Variants in PAK5 observed in about 807,000 individuals in gnomAD.
PAK5 encodes serine/threonine-protein kinase PAK 5.
PAK5 carries 16 observed loss-of-function variants against 65.9 expected under a neutral mutation model. The ratio of observed to expected loss-of-function variants is 0.24; its 90% CI spans 0.16 to 0.37. The LOEUF (loss-of-function observed/expected upper bound fraction) is 0.37, where lower values mean the gene tolerates loss of function less well. Ranked by LOEUF, PAK5 falls within the 10% of genes least tolerant of loss-of-function variation. The pLI, the probability that PAK5 is intolerant of heterozygous loss-of-function variation, is 1.00. For missense variants in PAK5, 785 were observed against 903.9 expected, an observed-to-expected ratio of 0.87 and a Z score of 1.69; for synonymous variants, 371 against 354.9, an observed-to-expected ratio of 1.05 and a Z score of -0.51.
chr20:9,825,955 G>C (rs1234696022), intron 1 of PAK5, among the ~76,000 whole-genome samples: 1 of 152,112 alleles, frequency 6.6e-6, no homozygotes, highest in Non-Finnish European at 1.5e-5. Context: ...ATACATTCAA[G>C]ACTTTAATGA....
intron 9 of PAK5, among the ~76,000 whole-genome samples, chr20:9,541,579 C>T (rs2045264296): frequency 6.6e-6 from 1 of 152,158 alleles, no homozygotes; most frequent in South Asian, 2.1e-4. Context: ...CTTGATGCTC[C>T]CCGTGCCTGG....
intron 1 of PAK5, among the ~76,000 whole-genome samples, chr20:9,800,025 T>G (rs2049151669): frequency 6.6e-6 from 1 of 151,704 alleles, no homozygotes; most frequent in Admixed American, 6.6e-5. Flanking sequence ...TGTAGTCTTC[T>G]TCATCATAAT....
At chr20:9,599,242 T>C (rs2046320995) in intron 3 of PAK5, among the ~76,000 whole-genome samples, 1 of 152,252 alleles carries the variant, frequency 6.6e-6, no homozygotes, top group Non-Finnish European at 1.5e-5. Context: ...ACATTTTGTT[T>C]ATCCATTCAT....
chr20:9,769,721 C>T (rs916799287), intron 1 of PAK5, among the ~76,000 whole-genome samples: 5 of 152,286 alleles, frequency 3.3e-5, no homozygotes, highest in African/African-American at 1.2e-4. Flanking sequence ...TTGAAATGCT[C>T]CAACAAAGGT....
At chr20:9,825,559 T>A (rs570133490) in intron 1 of PAK5, among the ~76,000 whole-genome samples, 2 of 152,308 alleles carry the variant, frequency 1.3e-5, no homozygotes, top group East Asian at 3.9e-4. Flanking sequence ...TAAGACCATA[T>A]GATTTCTTTT....
chr20:9,825,778 A>T (rs2049476963), intron 1 of PAK5, among the ~76,000 whole-genome samples: 1 of 152,196 alleles, frequency 6.6e-6, no homozygotes. Flanking sequence ...TTTAAAATGC[A>T]TCTTTCTAAA....
Position 9,687,525 on chromosome 20 carries a change from T to C in PAK5, c.-12+23761A>G, listed in dbSNP as rs938331508. On this transcript the variant is annotated intron_variant, in intron 2 of 9. Transcript: ENST00000353224. ...TGCCTACCAAAAATATTACTTTACA[T>C]GATGCTCATCATACAGGGGCGTCTT... Among the ~76,000 whole-genome samples the C allele has an allele frequency of 5.9e-5, 9 of 152,348 alleles. No individual in the cohort carries two copies. The East Asian group carries it at 1.7e-3, about 29-fold the overall frequency.
At chr20:9,787,582 G>A (rs958820291) in intron 1 of PAK5, among the ~76,000 whole-genome samples, 2 of 151,458 alleles carry the variant, frequency 1.3e-5, no homozygotes, top group African/African-American at 2.4e-5. Context: ...CTATAAAATA[G>A]AAAAACTGAC....
chr20:9,832,989 TA>T (rs1978848901), intron 1 of PAK5, among the ~76,000 whole-genome samples: 1 of 152,254 alleles, frequency 6.6e-6, no homozygotes, highest in Non-Finnish European at 1.5e-5. Context: ...TATGAGAGTT[TA>T]AAATATATTC....
intron 2 of PAK5, among the ~76,000 whole-genome samples, chr20:9,644,633 G>C (rs2047109645): frequency 6.6e-6 from 1 of 152,116 alleles, no homozygotes; most frequent in African/African-American, 2.4e-5. Context: ...GCAAGTTCAG[G>C]GCAGAAGTTT....
chr20:9,658,983 G>A (rs1411393461), intron 2 of PAK5, among the ~76,000 whole-genome samples: 2 of 152,048 alleles, frequency 1.3e-5, no homozygotes, highest in Admixed American at 6.5e-5. Context: ...CAATTGCAAG[G>A]AGCTACATGT....
chr20:9,669,114 A>G (rs540282078), intron 2 of PAK5, among the ~76,000 whole-genome samples: 1 of 152,374 alleles, frequency 6.6e-6, no homozygotes, highest in Non-Finnish European at 1.5e-5. Context: ...CACATGCTGT[A>G]ATGCAATATA....
chr20:9,756,296 C>CATT (rs1352181812), intron 1 of PAK5, among the ~76,000 whole-genome samples: 2 of 152,088 alleles, frequency 1.3e-5, no homozygotes, highest in African/African-American at 4.8e-5. Context: ...GAAAGTAAAG[C>CATT]ATTAGTTGAG....
chr20:9,659,788 T>C (rs1431808431), intron 2 of PAK5, among the ~76,000 whole-genome samples: 1 of 152,204 alleles, frequency 6.6e-6, no homozygotes, highest in Non-Finnish European at 1.5e-5. Flanking sequence ...CATTGGATAT[T>C]GCCTTGTCCC....
In PAK5 at chr20:9,676,317, G is replaced by A. The variant is rs775440696; in HGVS notation, c.-11-31978C>T. ...GCCAAACCATATCAAACTGCTTTAG[G>A]CAATATATGAATTATTTAAATTGGG... On this transcript the variant is annotated intron_variant, in intron 2 of 9. Transcript: ENST00000353224. Among the ~76,000 whole-genome samples, 15 of 151,668 alleles carry A rather than the reference G, an allele frequency of 9.9e-5. No individual in the cohort carries two copies. The South Asian group carries it at 3.1e-3, about 32-fold the overall frequency.
chr20:9,563,157 T>A, intron 5 of PAK5, 133 bp from the exon 6 acceptor site: 1 of 810,554 alleles, frequency 1.2e-6, no homozygotes, highest in Non-Finnish European at 2.0e-6. Context: ...AGAAAATCTA[T>A]TACAGACAAA....
At position 9,809,335 on chromosome 20, in the gene PAK5, A is replaced by ATTTTTT. The variant is rs3061945; in HGVS notation, c.-162+29421_-162+29426dup. ...CTACTTTTCTGTTGAGGCAATCCAA[A>ATTTTTT]TTTTTTTTTTTTTTTTTGGCAGGCT... On this transcript the variant is annotated intron_variant, in intron 1 of 9. Transcript: ENST00000353224. Among the ~76,000 whole-genome samples, 67 of 135,306 alleles carry ATTTTTT rather than the reference A, an allele frequency of 5.0e-4. 1 individual carries two copies. The highest frequency in any genetic ancestry group is 1.1e-3 in the African/African-American group (38 of 35,400). 88.8% of individuals were successfully genotyped at this position (135,306 alleles called of 152,430 possible). A position where few individuals can be genotyped will look rare whatever the true frequency, so the allele number is the denominator to read the frequency against.
chr20:9,764,995 T>C (rs370964003), intron 1 of PAK5, among the ~76,000 whole-genome samples: 1 of 152,126 alleles, frequency 6.6e-6, no homozygotes, highest in Non-Finnish European at 1.5e-5. Flanking sequence ...GACCTATGAG[T>C]GGAATTGATA....
intron 7 of PAK5, among the ~76,000 whole-genome samples, chr20:9,545,709 A>G (rs1344685098): frequency 6.6e-6 from 1 of 152,072 alleles, no homozygotes; most frequent in Non-Finnish European, 1.5e-5. Flanking sequence ...TGCTTAGTTC[A>G]GACCTTGCTC....
Sources: allele counts gnomAD v4.1 joint callset (sites outside exome capture counted in the v4.1 genomes callset), GRCh38; gene constraint gnomAD v4.1.1; transcripts MANE v1.5; gene names NCBI Gene and HGNC (gene_info 2026-07-23, HGNC 2026-07-21).